The following THSD7B variants were observed in gnomAD, a reference collection of about 807,000 sequenced individuals.
THSD7B encodes thrombospondin type 1 domain containing 7B.
Under a neutral mutation model 213.6 loss-of-function variants are expected in THSD7B, and 138 were observed. The ratio of observed to expected loss-of-function variants is 0.65; its 90% CI spans 0.56 to 0.74. THSD7B has a LOEUF of 0.74. Among genes scored for constraint, THSD7B ranks in the 30% least tolerant of loss-of-function variants. The pLI, the probability that THSD7B is intolerant of heterozygous loss-of-function variation, is 0.00. For synonymous variants in THSD7B, 742 were observed against 687.0 expected (o/e 1.08, Z -1.25); for missense variants, 1,931 against 1,991.5 (o/e 0.97, Z 0.58).
intron 2 of THSD7B, among the ~76,000 whole-genome samples, chr2:136,936,480 C>G (rs1037232426): frequency 2.0e-5 from 3 of 152,180 alleles, no homozygotes; most frequent in African/African-American, 7.2e-5. Flanking sequence ...TGATGGAATA[C>G]TACTCAGCCA....
At chr2:136,847,831 C>T (rs1416906774) in intron 1 of THSD7B, among the ~76,000 whole-genome samples, 1 of 152,186 alleles carries the variant, frequency 6.6e-6, no homozygotes, top group Admixed American at 6.6e-5. Context: ...CTACTTCAGG[C>T]TTCTATTTAG....
chr2:137,274,276 C>T lies in THSD7B; in HGVS notation c.2396+1614C>T, dbSNP rs77483794. Among the ~76,000 whole-genome samples, 11 of 151,984 alleles carry T rather than the reference C, an allele frequency of 7.2e-5. No individual in the cohort carries two copies. In the East Asian group the frequency reaches 1.7e-3, roughly 24 times the overall value. ...TTAGGGAGGAAGTTGTCTTAGGAAG[C>T]GAGTTAACGTAGGATTTTATCATTA... On this transcript the variant is annotated intron_variant, in intron 11 of 27. Transcript: ENST00000409968.
chr2:136,856,714 C>T (rs1483802373), intron 1 of THSD7B, among the ~76,000 whole-genome samples: 1 of 152,110 alleles, frequency 6.6e-6, no homozygotes, highest in Non-Finnish European at 1.5e-5. Flanking sequence ...TGGGGTTTCA[C>T]CATGTTGGCC....
At chr2:137,108,816 C>T (rs1270494482) in intron 4 of THSD7B, among the ~76,000 whole-genome samples, 1 of 152,076 alleles carries the variant, frequency 6.6e-6, no homozygotes, top group Non-Finnish European at 1.5e-5. Context: ...GAGTATCAGG[C>T]ATGGGGGGAT....
chr2:137,002,233 T>C (rs887760673), intron 2 of THSD7B, among the ~76,000 whole-genome samples: 5 of 152,182 alleles, frequency 3.3e-5, no homozygotes, highest in African/African-American at 1.2e-4. Context: ...ATCTTTTACA[T>C]CTAGAGTATG....
chr2:136,827,707 A>G (rs905192424), intron 1 of THSD7B, among the ~76,000 whole-genome samples: 7 of 152,138 alleles, frequency 4.6e-5, no homozygotes, highest in Admixed American at 2.0e-4. Flanking sequence ...GTTAATGCTT[A>G]CAAAGATGTA....
At chr2:137,053,044 C>G (rs1687097254) in intron 2 of THSD7B, among the ~76,000 whole-genome samples, 1 of 152,028 alleles carries the variant, frequency 6.6e-6, no homozygotes, top group Non-Finnish European at 1.5e-5. Flanking sequence ...AATGTCCTGA[C>G]CAAGGTTTAT....
intron 15 of THSD7B, among the ~76,000 whole-genome samples, chr2:137,504,035 A>C (rs1418218560): frequency 6.7e-6 from 1 of 150,124 alleles, no homozygotes; most frequent in East Asian, 2.0e-4. Context: ...CAAAAAAAAA[A>C]AGAAAAAAAA....
chr2:137,231,305 T>C lies in THSD7B; in HGVS notation c.1915+70T>C, dbSNP rs148665917. The C allele has an allele frequency of 7.7e-6, 11 of 1,427,404 alleles. No individual in the cohort carries two copies. In the African/African-American group the frequency reaches 1.3e-4, roughly 17 times the overall value. 88.4% of individuals were successfully genotyped at this position (1,427,404 alleles called of 1,614,324 possible). On this transcript the variant is annotated intron_variant, in intron 8 of 27. Coordinates refer to ENST00000409968, the MANE Select transcript of THSD7B (RefSeq NM_001316349.2). Reference sequence around the variant, plus strand: ...TATTATCATTTTTCCTCATTGGTGATAGAGAAGTTTATATGGAGGAAATAG... The same window carrying C: ...TATTATCATTTTTCCTCATTGGTGACAGAGAAGTTTATATGGAGGAAATAG...
chr2:136,773,081 T>C (rs1681536622), intron 1 of THSD7B, among the ~76,000 whole-genome samples: 1 of 152,030 alleles, frequency 6.6e-6, no homozygotes, highest in South Asian at 2.1e-4. Context: ...TCTAAAAGTG[T>C]GATCGGCTGT....
intron 17 of THSD7B, among the ~76,000 whole-genome samples, chr2:137,607,000 A>T (rs1165197322): frequency 6.6e-6 from 1 of 152,106 alleles, no homozygotes; most frequent in Non-Finnish European, 1.5e-5. Flanking sequence ...CTCCCAGTCT[A>T]GGGGCCTGGC....
At chr2:137,374,088 A>T (rs1044616491) in intron 12 of THSD7B, among the ~76,000 whole-genome samples, 10 of 150,630 alleles carry the variant, frequency 6.6e-5, no homozygotes, top group Admixed American at 5.3e-4. Context: ...ACCATGCAAT[A>T]CTCTTTAACC....
intron 2 of THSD7B, among the ~76,000 whole-genome samples, chr2:136,897,664 G>A (rs943030086): frequency 6.6e-6 from 1 of 152,204 alleles, no homozygotes; most frequent in Non-Finnish European, 1.5e-5. Flanking sequence ...TCCCTTATTT[G>A]ACCCTGGCTA....
Position 137,241,922 on chromosome 2 carries a change from A to G in THSD7B, c.2151-535A>G, listed in dbSNP as rs115986836. Reference sequence around the variant, plus strand: ...AGACTCCATCTCAGGAAAAAAAAAAAAAAAGAAAAGGAAAGAAATACCTGT... The same window carrying G: ...AGACTCCATCTCAGGAAAAAAAAAAGAAAAGAAAAGGAAAGAAATACCTGT... On this transcript the variant is annotated intron_variant, in intron 9 of 27. Coordinates refer to ENST00000409968, the MANE Select transcript of THSD7B (RefSeq NM_001316349.2). Among the ~76,000 whole-genome samples the G allele has an allele frequency of 7.3e-3, 1,111 of 152,016 alleles. 12 individuals are homozygous for G. Among genetic ancestry groups the G allele is most frequent in the African/African-American group, 0.023 (939 of 41,506 alleles).
At chr2:136,956,294 T>C (rs1384402176) in intron 2 of THSD7B, among the ~76,000 whole-genome samples, 1 of 152,142 alleles carries the variant, frequency 6.6e-6, no homozygotes, top group Non-Finnish European at 1.5e-5. Context: ...CAGTGCCAGT[T>C]TGGCCCCAAG....
chr2:136,951,359 T>C (rs1394063520), intron 2 of THSD7B, among the ~76,000 whole-genome samples: 1 of 152,202 alleles, frequency 6.6e-6, no homozygotes, highest in East Asian at 1.9e-4. Context: ...GTCCTGTAAA[T>C]TTGCTTAGGT....
At chr2:136,923,184 AC>A (rs1684463617) in intron 2 of THSD7B, among the ~76,000 whole-genome samples, 1 of 152,212 alleles carries the variant, frequency 6.6e-6, no homozygotes, top group East Asian at 1.9e-4. Context: ...CGCTTTAGCT[AC>A]TTCATATGAG....
intron 12 of THSD7B, among the ~76,000 whole-genome samples, chr2:137,292,881 T>C (rs1042322699): frequency 2.0e-5 from 3 of 152,136 alleles, no homozygotes; most frequent in African/African-American, 7.2e-5. Context: ...TTTCATCTTA[T>C]GGGTTAAATT....
intron 2 of THSD7B, among the ~76,000 whole-genome samples, chr2:136,900,649 G>A (rs973120485): frequency 6.6e-6 from 1 of 152,044 alleles, no homozygotes; most frequent in East Asian, 1.9e-4. Context: ...TTTCCAGGGA[G>A]CACTATTTTG....
Sources: gnomAD v4.1 joint callset for allele counts (sites outside exome capture counted in the v4.1 genomes callset) on GRCh38, gnomAD v4.1.1 for gene constraint, MANE v1.5 for transcripts, NCBI Gene and HGNC (gene_info 2026-07-23, HGNC 2026-07-21) for gene names.